The following GCNT1 variants were observed in gnomAD, a reference collection of about 807,000 sequenced individuals.
The protein encoded by GCNT1 is glucosaminyl (N-acetyl) transferase 1, also known as beta-1,3-galactosyl-O-glycosyl-glycoprotein beta-1,6-N-acetylglucosaminyltransferase.
Under a neutral mutation model 26.2 loss-of-function variants are expected in GCNT1, and 16 were observed. The observed-to-expected ratio is 0.61, with a 90% confidence interval of 0.41 to 0.93. The LOEUF (loss-of-function observed/expected upper bound fraction) is 0.93. Among genes scored for constraint, GCNT1 ranks in the 40% least tolerant of loss-of-function variants. The probability of loss-of-function intolerance (pLI) is 0.00; values close to 1 mark genes in which losing one functional copy is unlikely to be tolerated. For synonymous variants in GCNT1, 183 were observed against 190.8 expected (o/e 0.96, Z 0.34); for missense variants, 477 against 526.7 (o/e 0.91, Z 0.92).
intron 2 of GCNT1, among the ~76,000 whole-genome samples, chr9:76,465,156 T>C (rs556033176): frequency 1.1e-5 from 1 of 94,276 alleles, no homozygotes; most frequent in Non-Finnish European, 2.2e-5. Flanking sequence ...CTGATTTGAG[T>C]TTTTTTTTTT....
At chr9:76,490,307 T>G (rs1824696659) in intron 2 of GCNT1, among the ~76,000 whole-genome samples, 1 of 152,198 alleles carries the variant, frequency 6.6e-6, no homozygotes, top group Non-Finnish European at 1.5e-5. Context: ...TATTTGGGAT[T>G]GTAGTTACTA....
chr9:76,476,395 T>C (rs943542229), intron 2 of GCNT1, among the ~76,000 whole-genome samples: 2 of 151,980 alleles, frequency 1.3e-5, no homozygotes, highest in African/African-American at 4.8e-5. Flanking sequence ...TGGTGTTCTA[T>C]TTGGTATTAT....
At chr9:76,413,662 T>G in the GCNT1 span, among the ~76,000 whole-genome samples, 53 of 114,486 alleles carry the variant, frequency 4.6e-4, no homozygotes, top group Admixed American at 8.2e-4. Flanking sequence ...TGTTTTTTTT[T>G]TTTTTGTTTT....
the GCNT1 span, among the ~76,000 whole-genome samples, chr9:76,396,232 A>G: frequency 5.4e-4 from 83 of 152,328 alleles, no homozygotes; most frequent in Middle Eastern, 3.4e-3. Context: ...AGAAAATGCT[A>G]AGTATTTTTC....
chr9:76,420,827 T>A (rs992774296), intron 1 of GCNT1, among the ~76,000 whole-genome samples: 2 of 151,456 alleles, frequency 1.3e-5, no homozygotes, highest in African/African-American at 4.9e-5. Context: ...TGGTCCCAGG[T>A]ACTTGGGAGG....
chr9:76,404,113 G>C, the GCNT1 span, among the ~76,000 whole-genome samples: 1 of 152,170 alleles, frequency 6.6e-6, no homozygotes, highest in African/African-American at 2.4e-5. Flanking sequence ...TCTGTCTTAT[G>C]TTCTCTCAAA....
chr9:76,472,281 T>A (rs73449890), intron 2 of GCNT1, among the ~76,000 whole-genome samples: 1 of 152,014 alleles, frequency 6.6e-6, no homozygotes, highest in Admixed American at 6.5e-5. Context: ...AGACTTTGTC[T>A]CAAAGAAAAA....
chr9:76,480,452 G>T (rs144159091), intron 2 of GCNT1, among the ~76,000 whole-genome samples: 87 of 152,210 alleles, frequency 5.7e-4, no homozygotes, highest in African/African-American at 2.1e-3. Flanking sequence ...TGGGCAGTAT[G>T]GCCATTTTCA....
intron 2 of GCNT1, among the ~76,000 whole-genome samples, chr9:76,500,631 T>G (rs1286036578): frequency 6.6e-6 from 1 of 152,296 alleles, no homozygotes; most frequent in East Asian, 1.9e-4. Context: ...TACTGGACTG[T>G]TAAACTGTTC....
chr9:76,403,054 A>C, the GCNT1 span, among the ~76,000 whole-genome samples: 1 of 152,198 alleles, frequency 6.6e-6, no homozygotes, highest in Admixed American at 6.5e-5. Flanking sequence ...TCTTATACCT[A>C]TATGGAATGT....
chr9:76,416,290 TC>T (rs2131566949), upstream of GCNT1, among the ~76,000 whole-genome samples: 1 of 152,258 alleles, frequency 6.6e-6, no homozygotes, highest in African/African-American at 2.4e-5. Context: ...CAGCTGCCCA[TC>T]CCACTAAGAG....
chr9:76,484,014 TA>T (rs1201577178), intron 2 of GCNT1, among the ~76,000 whole-genome samples: 1 of 152,138 alleles, frequency 6.6e-6, no homozygotes, highest in Non-Finnish European at 1.5e-5. Flanking sequence ...GTTTATACTT[TA>T]AAAAAATCAC....
chr9:76,490,505 A>G (rs1457074827), intron 2 of GCNT1, among the ~76,000 whole-genome samples: 1 of 152,200 alleles, frequency 6.6e-6, no homozygotes, highest in African/African-American at 2.4e-5. Context: ...GGGCACTGAC[A>G]AGGTCTGATT....
chr9:76,395,083 C>G, the GCNT1 span, among the ~76,000 whole-genome samples: 1 of 152,128 alleles, frequency 6.6e-6, no homozygotes, highest in African/African-American at 2.4e-5. Flanking sequence ...TCCAGGCTGT[C>G]TTCTTGACAA....
chr9:76,451,360 C>A (rs907386500), intron 1 of GCNT1, among the ~76,000 whole-genome samples: 5 of 151,974 alleles, frequency 3.3e-5, no homozygotes, highest in Non-Finnish European at 7.4e-5. Context: ...ACACTGTTGA[C>A]CTCCCTTTTG....
At chr9:76,450,547 T>G (rs1215751844) in intron 1 of GCNT1, among the ~76,000 whole-genome samples, 2 of 152,218 alleles carry the variant, frequency 1.3e-5, no homozygotes, top group Non-Finnish European at 2.9e-5. Context: ...GGAGTCTGTA[T>G]TCCTACACCT....
the GCNT1 span, chr9:76,399,261 C>G: frequency 6.9e-7 from 1 of 1,450,554 alleles, no homozygotes; most frequent in Non-Finnish European, 9.6e-7. Context: ...ATGTGTAGCA[C>G]GATTTCCTAT....
At chr9:76,473,264 A>G (rs773997469) in intron 2 of GCNT1, among the ~76,000 whole-genome samples, 5 of 152,200 alleles carry the variant, frequency 3.3e-5, no homozygotes, top group Non-Finnish European at 7.3e-5. Flanking sequence ...AAACCTCAGC[A>G]TATAACCTCT....
chr9:76,468,609 A>G (rs62565108), intron 2 of GCNT1, among the ~76,000 whole-genome samples: 11,592 of 152,226 alleles, frequency 0.076, 663 homozygotes, highest in East Asian at 0.2. Context: ...CACCCATCAG[A>G]GCATTCCTAG....
Sources: gnomAD v4.1 joint callset for allele counts (sites outside exome capture counted in the v4.1 genomes callset) on GRCh38, gnomAD v4.1.1 for gene constraint, MANE v1.5 for transcripts, NCBI Gene and HGNC (gene_info 2026-07-23, HGNC 2026-07-21) for gene names.